The following ADAMTS12 variants were observed in gnomAD, a reference collection of about 807,000 sequenced individuals.
The protein encoded by ADAMTS12 is ADAM metallopeptidase with thrombospondin type 1 motif 12.
ADAMTS12 carries 118 observed loss-of-function variants against 167.8 expected under a neutral mutation model. The ratio of observed to expected loss-of-function variants is 0.70; its 90% CI spans 0.61 to 0.82. The LOEUF is 0.82. Ranked by LOEUF, ADAMTS12 falls within the 40% of genes least tolerant of loss-of-function variation. The probability of loss-of-function intolerance (pLI) is 0.00; values close to 1 mark genes in which losing one functional copy is unlikely to be tolerated. For missense variants in ADAMTS12, 1,916 were observed against 1,998.8 expected, an observed-to-expected ratio of 0.96 and a Z score of 0.79; for synonymous variants, 704 against 716.9, an observed-to-expected ratio of 0.98 and a Z score of 0.29.
At chr5:33,694,948 A>G (rs1439857493) in intron 3 of ADAMTS12, among the ~76,000 whole-genome samples, 2 of 152,204 alleles carry the variant, frequency 1.3e-5, no homozygotes, top group Non-Finnish European at 1.5e-5. Context: ...TGACTCACAT[A>G]TTTGTATTGT....
chr5:33,663,045 G>A (rs902155648), intron 5 of ADAMTS12, among the ~76,000 whole-genome samples: 9 of 152,308 alleles, frequency 5.9e-5, no homozygotes, highest in South Asian at 2.1e-4. Flanking sequence ...TAAAAGGCCC[G>A]AGGGGCATCA....
At chr5:33,769,578 C>A (rs1199166229) in intron 2 of ADAMTS12, among the ~76,000 whole-genome samples, 1 of 152,162 alleles carries the variant, frequency 6.6e-6, no homozygotes, top group African/African-American at 2.4e-5. Context: ...TCCATCTCAG[C>A]CCCAAGAGTT....
rs368561249 is a variant in ADAMTS12 at position 33,648,965 on chromosome 5, G to A, written c.1336C>T (p.Arg446Ter). ...TCATCAAGACAGAACCCCCAGCCTC[G>A]GCTGAAAACAAGTTAACAGAAATGA... ...SEEYITRFLD[R>*]GWGFCLDDIP... Residue 446 changes from arginine to a stop codon, truncating the protein, a stop_gained and splice_region_variant, in exon 9 of 24, where the codon CGA (arginine) becomes TGA (stop). Transcript: ENST00000504830. LOFTEE classifies it high-confidence loss of function. The A allele has an allele frequency of 4.3e-6, 7 of 1,613,236 alleles. No homozygotes were observed. Among genetic ancestry groups the A allele is most frequent in the African/African-American group, 2.7e-5 (2 of 74,878 alleles).
intron 22 of ADAMTS12, among the ~76,000 whole-genome samples, chr5:33,544,594 C>T (rs952311574): frequency 1.7e-4 from 26 of 152,190 alleles, no homozygotes; most frequent in Non-Finnish European, 5.9e-5. Flanking sequence ...AGGCATCATA[C>T]TACCTGACTT....
intron 9 of ADAMTS12, among the ~76,000 whole-genome samples, chr5:33,647,018 A>G (rs1233961012): frequency 6.6e-6 from 1 of 152,208 alleles, no homozygotes; most frequent in East Asian, 1.9e-4. Context: ...AGTGAACTAG[A>G]AGATAAAGAT....
intron 2 of ADAMTS12, among the ~76,000 whole-genome samples, chr5:33,792,335 AC>A (rs906839683): frequency 7.9e-5 from 12 of 152,050 alleles, no homozygotes; most frequent in South Asian, 4.2e-4. Flanking sequence ...TAGCAAAGGG[AC>A]CCCGTACTAT....
At chr5:33,680,091 C>T (rs1055729650) in intron 5 of ADAMTS12, among the ~76,000 whole-genome samples, 2 of 152,168 alleles carry the variant, frequency 1.3e-5, no homozygotes, top group African/African-American at 4.8e-5. Context: ...AACTTGTGAA[C>T]TCTGTGCCAA....
chr5:33,582,054 T>C (rs976838274), intron 18 of ADAMTS12, among the ~76,000 whole-genome samples: 1 of 152,204 alleles, frequency 6.6e-6, no homozygotes, highest in African/African-American at 2.4e-5. Context: ...CTTCTGCACA[T>C]GTGAGACAAC....
At chr5:33,768,821 A>G (rs1209924359) in intron 2 of ADAMTS12, among the ~76,000 whole-genome samples, 2 of 152,146 alleles carry the variant, frequency 1.3e-5, no homozygotes, top group African/African-American at 4.8e-5. Context: ...GAAACAAAAT[A>G]AGACAAGGTA....
intron 2 of ADAMTS12, among the ~76,000 whole-genome samples, chr5:33,808,087 C>T (rs752430801): frequency 3.9e-5 from 6 of 152,082 alleles, no homozygotes; most frequent in East Asian, 1.9e-4. Context: ...GGAGAAACAA[C>T]GGGATCAAAG....
At chr5:33,595,039 G>T (rs1747842880) in intron 17 of ADAMTS12, among the ~76,000 whole-genome samples, 1 of 152,152 alleles carries the variant, frequency 6.6e-6, no homozygotes. Context: ...AAGGTTGCCA[G>T]AGAATGAAGA....
intron 17 of ADAMTS12, among the ~76,000 whole-genome samples, chr5:33,589,183 T>C (rs1389176691): frequency 6.6e-6 from 1 of 152,202 alleles, no homozygotes; most frequent in Non-Finnish European, 1.5e-5. Context: ...TATATGAGTG[T>C]TGTGTTGTAC....
At chr5:33,781,268 T>C (rs1746116419) in intron 2 of ADAMTS12, among the ~76,000 whole-genome samples, 2 of 152,118 alleles carry the variant, frequency 1.3e-5, no homozygotes, top group Admixed American at 1.3e-4. Context: ...TGTATATATA[T>C]ATATGTATAT....
intron 12 of ADAMTS12, among the ~76,000 whole-genome samples, chr5:33,635,989 T>A (rs1740174687): frequency 6.6e-6 from 1 of 152,196 alleles, no homozygotes; most frequent in Non-Finnish European, 1.5e-5. Flanking sequence ...AGCAAATCAA[T>A]CACTCCAGAG....
At chr5:33,630,996 C>A (rs999034096) in intron 12 of ADAMTS12, 83 bp from the exon 13 acceptor site, 3 of 1,507,736 alleles carry the variant, frequency 2.0e-6, no homozygotes, top group African/African-American at 2.8e-5. Flanking sequence ...TACTTAGGAC[C>A]CCCAAGTGTC....
At chr5:33,731,876 G>A (rs1744207256) in intron 3 of ADAMTS12, among the ~76,000 whole-genome samples, 1 of 152,134 alleles carries the variant, frequency 6.6e-6, no homozygotes, top group African/African-American at 2.4e-5. Context: ...AAGATTTATA[G>A]GGTACTTAGG....
chr5:33,835,941 CTCTCTCTCTCTCTGTGTGTG>C lies in ADAMTS12; in HGVS notation c.489+45158_489+45177del, dbSNP rs751899376. Among the ~76,000 whole-genome samples the C allele has an allele frequency of 5.9e-3, 296 of 49,998 alleles. 11 individuals are homozygous for C. The highest frequency in any genetic ancestry group is 0.012 in the African/African-American group (254 of 21,060). The allele number at this position is 49,998 out of a possible 152,430, so 32.8% of individuals were successfully genotyped here. On this transcript the variant is annotated intron_variant, in intron 2 of 23. Coordinates refer to ENST00000504830, the MANE Select transcript of ADAMTS12 (RefSeq NM_030955.4). ...TCTCTCTCTCTCTCTCTCTCTCTCT[CTCTCTCTCTCTCTGTGTGTG>C]TGTGTGTGTCCATCTGGGCAGTTTA...
intron 9 of ADAMTS12, among the ~76,000 whole-genome samples, chr5:33,644,872 A>G (rs1430656196): frequency 1.3e-5 from 2 of 152,032 alleles, no homozygotes; most frequent in African/African-American, 4.8e-5. Context: ...CTGGGACTGC[A>G]GACACCCGCC....
intron 3 of ADAMTS12, among the ~76,000 whole-genome samples, chr5:33,717,119 G>T (rs1743644201): frequency 6.7e-6 from 1 of 148,364 alleles, no homozygotes; most frequent in African/African-American, 2.5e-5. Flanking sequence ...GAAATTGTAG[G>T]TTTTTTTTTT....
Sources: allele counts gnomAD v4.1 joint callset (sites outside exome capture counted in the v4.1 genomes callset), GRCh38; gene constraint gnomAD v4.1.1; transcripts MANE v1.5; gene names NCBI Gene and HGNC (gene_info 2026-07-23, HGNC 2026-07-21).